Variants in PPRC1 observed in about 807,000 individuals in gnomAD.
The protein encoded by PPRC1 is peroxisome proliferator-activated receptor gamma coactivator-related protein 1.
In PPRC1, 23 loss-of-function variants were observed where a neutral mutation model predicts 132.5. The observed-to-expected ratio is 0.17, with a 90% CI of 0.12 to 0.25. The LOEUF is 0.25. Ranked by LOEUF, PPRC1 falls within the 10% of genes least tolerant of loss-of-function variation. PPRC1 has a pLI of 1.00. For missense variants in PPRC1, 2,006 were observed against 2,089.1 expected, an observed-to-expected ratio of 0.96 and a Z score of 0.78; for synonymous variants, 872 against 833.5, an observed-to-expected ratio of 1.05 and a Z score of -0.80.
rs766885739 is a variant in PPRC1, at chr10:102,147,142, C to T, written c.4150C>T (p.Arg1384Trp). ...SLLSPEASPCRNDMNTRTPPE... is the reference protein window; with the variant it reads ...SLLSPEASPCWNDMNTRTPPE... ...GCTGTCCCCTGAGGCCTCACCCTGC[C>T]GGAATGACATGAACACTAGGACTCC... The change falls in exon 9 of 14, where the codon CGG (arginine) becomes TGG (tryptophan). Residue 1384 changes from arginine to tryptophan, a missense_variant. Arg to Trp is a moderately radical substitution (Grantham distance 101). Around this residue, in one of 2 missense-constraint regions of PPRC1, gnomAD observed 1,914 missense variants for 1,917.2 expected, o/e 1.00. Coordinates refer to ENST00000278070, the MANE Select transcript of PPRC1 (RefSeq NM_015062.5). 25 of 1,614,036 alleles carry T rather than the reference C, an allele frequency of 1.5e-5. No homozygotes were observed. Among genetic ancestry groups the T allele is most frequent in the East Asian group, 4.5e-5 (2 of 44,888 alleles).
At chr10:102,147,793 G>C (rs1417091760) in intron 9 of PPRC1, among the ~76,000 whole-genome samples, 2 of 152,170 alleles carry the variant, frequency 1.3e-5, no homozygotes, top group Non-Finnish European at 2.9e-5. Context: ...GGTGTCTGGG[G>C]CAGTTCCTTT....
intron 7 of PPRC1, 196 bp from the exon 8 acceptor site, chr10:102,144,824 T>C: frequency 1.8e-6 from 1 of 569,114 alleles, no homozygotes. Flanking sequence ...CCTCTTGGAA[T>C]TGGGCAGGGC....
chr10:102,120,362 AGT>A, the PPRC1 span: 3 of 982,992 alleles, frequency 3.1e-6, no homozygotes, highest in Non-Finnish European at 3.6e-6. Context: ...GAGTCCGCGG[AGT>A]GTGTGTCCGT....
the PPRC1 span, among the ~76,000 whole-genome samples, chr10:102,125,312 G>A: frequency 6.7e-6 from 1 of 148,262 alleles, no homozygotes; most frequent in Non-Finnish European, 1.5e-5. Context: ...AGGCTGGAGT[G>A]CAGTGGCACT....
At position 102,133,337 on chromosome 10, in the gene PPRC1, G is replaced by A. The variant is rs970677035; in HGVS notation, c.153+116G>A. The A allele has an allele frequency of 4.1e-6, 4 of 968,698 alleles. No homozygotes were observed. The African/African-American group carries it at 6.8e-5, about 16-fold the overall frequency. 60.0% of individuals were successfully genotyped at this position (968,698 alleles called of 1,614,324 possible). On this transcript the variant is annotated intron_variant, in intron 1 of 13. Transcript: ENST00000278070. ...CTGAGAGTCGATGCCGGGTGGCCGC[G>A]GGAGCCGGGCCGGAGCAAGTGGGCC...
At chr10:102,138,822 A>C (rs955359727) in intron 3 of PPRC1, 57 bp downstream of exon 3, 1 of 1,612,122 alleles carries the variant, frequency 6.2e-7, no homozygotes, top group Admixed American at 1.7e-5. Context: ...ATGCCTGTGG[A>C]CCTACTCATA....
upstream of PPRC1, among the ~76,000 whole-genome samples, chr10:102,128,878 T>C (rs1590303132): frequency 6.8e-6 from 1 of 147,138 alleles, no homozygotes; most frequent in African/African-American, 2.5e-5. Context: ...CCTCCCAAAG[T>C]GCTGGGATTA....
At position 102,140,457 on chromosome 10, in the gene PPRC1, CAG is replaced by C. The variant is rs1564940502; in HGVS notation, c.1951_1952del (p.Asp651Ter). The C allele has an allele frequency of 6.2e-7, 1 of 1,614,202 alleles. No homozygotes were observed. Among genetic ancestry groups the C allele is most frequent in the Admixed American group, 1.7e-5 (1 of 60,024 alleles). ...GTTGACCCTGCAGTGGTTCCCATCT[CAG>C]ATAACTTGCCACCAGTTGATGCTGT... On this transcript the variant is annotated frameshift_variant, in exon 5 of 14. Transcript: ENST00000278070. LOFTEE classifies it high-confidence loss of function.
rs1405524952 is a variant in PPRC1 at position 102,140,832 on chromosome 10, C to T, written c.2324C>T (p.Pro775Leu). 3 of 1,614,040 alleles carry T rather than the reference C, an allele frequency of 1.9e-6. No individual in the cohort carries two copies. The change falls in exon 5 of 14, where the codon CCA (proline) becomes CTA (leucine). Residue 775 changes from proline to leucine, a missense_variant. Around this residue, in one of 2 missense-constraint regions of PPRC1, gnomAD observed 1,914 missense variants for 1,917.2 expected, o/e 1.00. Coordinates refer to ENST00000278070, the MANE Select transcript of PPRC1 (RefSeq NM_015062.5). ...AETEERSPQP[P>L]TGKWPSLPET... ...ACAGAAGAGAGAAGTCCACAGCCCC[C>T]AACTGGGAAGTGGCCTAGCCTTCCA...
At chr10:102,145,209 A>G in intron 8 of PPRC1, 119 bp downstream of exon 8, 1 of 926,656 alleles carries the variant, frequency 1.1e-6, no homozygotes, top group Non-Finnish European at 1.6e-6. Flanking sequence ...TCCAGCCTTG[A>G]GATACTCACA....
At chr10:102,126,479 G>A in the PPRC1 span, among the ~76,000 whole-genome samples, 2 of 141,860 alleles carry the variant, frequency 1.4e-5, no homozygotes, top group Non-Finnish European at 3.0e-5. Context: ...TTTTTTTTGA[G>A]ATGGAGTCTT....
At chr10:102,144,847 C>A in intron 7 of PPRC1, 173 bp from the exon 8 acceptor site, 1 of 614,884 alleles carries the variant, frequency 1.6e-6, no homozygotes, top group East Asian at 2.8e-5. Flanking sequence ...AGTTGAGATC[C>A]AATTTGTAGT....
chr10:102,135,842 A>G (rs2068702949), intron 1 of PPRC1, among the ~76,000 whole-genome samples: 1 of 152,066 alleles, frequency 6.6e-6, no homozygotes. Flanking sequence ...GCTACTTGGG[A>G]GGTTTTTGAA....
chr10:102,129,296 A>C (rs1189686072), upstream of PPRC1, among the ~76,000 whole-genome samples: 1 of 152,174 alleles, frequency 6.6e-6, no homozygotes, highest in East Asian at 1.9e-4. Context: ...GAGTCAGAAA[A>C]GGACAAACGA....
the PPRC1 span, among the ~76,000 whole-genome samples, chr10:102,121,461 A>G: frequency 6.6e-6 from 1 of 151,966 alleles, no homozygotes; most frequent in Admixed American, 6.5e-5. Flanking sequence ...AATGTAAGGA[A>G]CACTCCTTCC....
At chr10:102,145,251 A>G (rs1374969933) in intron 8 of PPRC1, among the ~76,000 whole-genome samples, 161 bp downstream of exon 8, 1 of 152,248 alleles carries the variant, frequency 6.6e-6, no homozygotes, top group African/African-American at 2.4e-5. Context: ...ACGAATGAGC[A>G]TGTTGAGTAT....
Position 102,140,681 on chromosome 10 carries a change from G to C in PPRC1, c.2173G>C (p.Glu725Gln), listed in dbSNP as rs771091254. The change falls in exon 5 of 14, where the codon GAA becomes CAA. Residue 725 changes from glutamate to glutamine, a missense_variant. Physicochemically the swap from Glu to Gln is conservative, Grantham distance 29. This residue lies in a region of PPRC1 where 1,914 missense variants were observed against 1,917.2 expected (regional missense o/e 1.00). Coordinates refer to ENST00000278070, the MANE Select transcript of PPRC1 (RefSeq NM_015062.5). Reference sequence around the variant, plus strand: ...GGACCCACCAAAGACCATCATCCCTGAAGTCAAAGAGGTTGTGGATTCTCT... The same window carrying C: ...GGACCCACCAAAGACCATCATCCCTCAAGTCAAAGAGGTTGTGGATTCTCT... The part of the protein sequence containing the change: ...SLDPPKTIIP[E>Q]VKEVVDSLKI... 11 of 1,614,050 alleles carry C rather than the reference G, an allele frequency of 6.8e-6. No homozygotes were observed. Among genetic ancestry groups the C allele is most frequent in the South Asian group, 5.5e-5 (5 of 91,070 alleles).
intron 12 of PPRC1, 96 bp downstream of exon 12, chr10:102,149,034 A>G: frequency 6.5e-7 from 1 of 1,550,276 alleles, no homozygotes; most frequent in Non-Finnish European, 8.7e-7. Context: ...GTGCTGAGCA[A>G]TATGGGGCAC....
chr10:102,146,616 T>G, intron 8 of PPRC1, 56 bp from the exon 9 acceptor site: 1 of 1,540,790 alleles, frequency 6.5e-7, no homozygotes, highest in African/African-American at 1.4e-5. Flanking sequence ...ACACGGTATT[T>G]GGAAGCGTAG....
Sources: gnomAD v4.1 joint callset for allele counts (sites outside exome capture counted in the v4.1 genomes callset) on GRCh38, gnomAD v4.1.1 for gene constraint, gnomAD v4.1.1 regional missense constraint, MANE v1.5 for transcripts, NCBI Gene and HGNC (gene_info 2026-07-23, HGNC 2026-07-21) for gene names.